Variants in COPG2 observed in about 807,000 individuals in gnomAD.
COPG2 encodes coatomer subunit gamma-2.
In COPG2, 37 loss-of-function variants were observed where a neutral mutation model predicts 46.3. The observed-to-expected ratio is 0.80, with a 90% confidence interval of 0.61 to 1.05. The LOEUF is 1.05. Among genes scored for constraint, COPG2 ranks in the 50% least tolerant of loss-of-function variants. The pLI is 0.00. For missense variants in COPG2, 427 were observed against 387.8 expected (o/e 1.10, Z -0.85); for synonymous variants, 159 against 129.7 (o/e 1.23, Z -1.53).
At chr7:130,609,579 T>C (rs1794801376) in intron 9 of COPG2, among the ~76,000 whole-genome samples, 1 of 152,252 alleles carries the variant, frequency 6.6e-6, no homozygotes, top group Non-Finnish European at 1.5e-5. Flanking sequence ...CATTATCTCT[T>C]CAAAGATTTA....
At chr7:130,566,751 G>C (rs1270532937) in intron 9 of COPG2, among the ~76,000 whole-genome samples, 1 of 152,200 alleles carries the variant, frequency 6.6e-6, no homozygotes, top group Non-Finnish European at 1.5e-5. Flanking sequence ...GTTCTGGCAG[G>C]ATGTGACAGT....
chr7:130,652,129 TTG>T (rs1795760118), intron 5 of COPG2, among the ~76,000 whole-genome samples: 1 of 152,234 alleles, frequency 6.6e-6, no homozygotes, highest in Non-Finnish European at 1.5e-5. Context: ...GACACGTAAG[TTG>T]TTTGTCCTTT....
intron 9 of COPG2, among the ~76,000 whole-genome samples, chr7:130,593,304 G>C (rs1019776127): frequency 3.9e-5 from 6 of 152,192 alleles, no homozygotes; most frequent in Non-Finnish European, 7.4e-5. Flanking sequence ...TAAAATATCT[G>C]GAAAATAAGA....
At chr7:130,513,310 T>A (rs1364233091) in intron 20 of COPG2, among the ~76,000 whole-genome samples, 7,611 of 36,850 alleles carry the variant, frequency 0.21, 780 homozygotes, top group Non-Finnish European at 0.29. Flanking sequence ...AAAAAAAAAA[T>A]ATATATATAT....
chr7:130,628,178 C>G (rs1483159182), intron 5 of COPG2, among the ~76,000 whole-genome samples: 1 of 152,056 alleles, frequency 6.6e-6, no homozygotes, highest in African/African-American at 2.4e-5. Context: ...TTCCTCAAAT[C>G]AGTCTGTGGT....
intron 18 of COPG2, among the ~76,000 whole-genome samples, chr7:130,548,997 G>A (rs1435624317): frequency 6.8e-6 from 1 of 146,166 alleles, no homozygotes; most frequent in Non-Finnish European, 1.5e-5. Context: ...TTTTAGTGAA[G>A]TCATCTTTCA....
At chr7:130,627,230 G>C (rs186267743) in intron 5 of COPG2, among the ~76,000 whole-genome samples, 17 of 152,262 alleles carry the variant, frequency 1.1e-4, no homozygotes, top group African/African-American at 3.9e-4. Context: ...CCTAATCAGG[G>C]AAAAGAAGTC....
intron 9 of COPG2, among the ~76,000 whole-genome samples, chr7:130,589,090 A>T (rs1554448479): frequency 6.6e-6 from 1 of 152,058 alleles, no homozygotes; most frequent in Non-Finnish European, 1.5e-5. Context: ...ATAACATCCC[A>T]TAATACAACT....
chr7:130,622,993 C>T (rs1222967869), intron 5 of COPG2, among the ~76,000 whole-genome samples: 1 of 152,162 alleles, frequency 6.6e-6, no homozygotes, highest in Non-Finnish European at 1.5e-5. Flanking sequence ...CTTTCCTTAC[C>T]TTCACTAGAA....
intron 5 of COPG2, among the ~76,000 whole-genome samples, chr7:130,639,402 T>C (rs368422730): frequency 3.2e-4 from 48 of 152,302 alleles, no homozygotes; most frequent in African/African-American, 9.9e-4. Flanking sequence ...GGGGTATCTA[T>C]TGATTATCTT....
intron 20 of COPG2, among the ~76,000 whole-genome samples, chr7:130,533,316 G>C (rs1166547508): frequency 1.3e-5 from 2 of 152,020 alleles, no homozygotes; most frequent in African/African-American, 2.4e-5. Context: ...GCACAAGGGT[G>C]GGGGTGGGAG....
chr7:130,527,715 G>A (rs1799787072), intron 20 of COPG2, among the ~76,000 whole-genome samples: 1 of 152,142 alleles, frequency 6.6e-6, no homozygotes, highest in Non-Finnish European at 1.5e-5. Context: ...GCAGATACGT[G>A]GAGTGCGAGG....
Position 130,507,348 on chromosome 7 carries a change from A to T in COPG2, c.2411T>A (p.Phe804Tyr). 1.3e-6 allele frequency: 1 copy of T among 780,682 alleles called. No individual in the cohort carries two copies. 48.4% of individuals were successfully genotyped at this position (780,682 alleles called of 1,614,324 possible). Residue 804 changes from phenylalanine to tyrosine, a missense_variant, in exon 23 of 24, where the codon TTT becomes TAT. Transcript: ENST00000425248. ...LEEAVNNIIT[F>Y]LGMQPCERSD... ...CCTCTCACATGGCTGCATGCCCAGA[A>T]ATGTGATGATATTGTTGACAGCCTC... is the stretch of plus-strand genomic sequence containing the variant.
intron 9 of COPG2, among the ~76,000 whole-genome samples, chr7:130,574,149 A>G (rs1793963769): frequency 6.6e-6 from 1 of 152,248 alleles, no homozygotes; most frequent in African/African-American, 2.4e-5. Context: ...GAACAAGTAA[A>G]CAAAATTTGG....
rs1554451971 is a variant in COPG2 at position 130,610,958 on chromosome 7, C to T, written c.732G>A (p.Glu244=). 2.5e-6 allele frequency: 4 copies of T among 1,613,794 alleles called. No individual in the cohort carries two copies. In the South Asian group the frequency reaches 3.3e-5, roughly 13 times the overall value. ...GTTTAGGTGAAGACACTTACCCATC[C>T]TCAGTTTCTTTTAGTAAGCGACTGG... ...RIASRLLKET[E]DGHESPLFDF... Residue 244 remains glutamate (E), a synonymous_variant, in exon 9 of 24, where the codon GAG becomes GAA. Coordinates refer to ENST00000425248, the MANE Select transcript of COPG2 (RefSeq NM_012133.6).
At chr7:130,569,300 G>A (rs1243312799) in intron 9 of COPG2, among the ~76,000 whole-genome samples, 4 of 151,994 alleles carry the variant, frequency 2.6e-5, no homozygotes, top group Non-Finnish European at 4.4e-5. Context: ...AAACAAAATT[G>A]ACAGACCATT....
chr7:130,610,652 C>A (rs1554451898), intron 9 of COPG2: 3 of 561,524 alleles, frequency 5.3e-6, no homozygotes, highest in South Asian at 4.5e-5. Flanking sequence ...TAGGATAATT[C>A]TTAATGTCCC....
intron 9 of COPG2, among the ~76,000 whole-genome samples, chr7:130,565,853 G>A (rs1793794152): frequency 1.3e-5 from 2 of 151,562 alleles, no homozygotes; most frequent in African/African-American, 2.4e-5. Flanking sequence ...GCAGATGAAA[G>A]AATAAGAAAA....
At chr7:130,668,544 C>G in intron 1 of COPG2, 88 bp downstream of exon 1, 1 of 1,322,374 alleles carries the variant, frequency 7.6e-7, no homozygotes, top group Non-Finnish European at 1.0e-6. Context: ...CCCACGCCCC[C>G]AGCCCCGCCG....
Sources: gnomAD v4.1 joint callset for allele counts (sites outside exome capture counted in the v4.1 genomes callset) on GRCh38, gnomAD v4.1.1 for gene constraint, MANE v1.5 for transcripts, NCBI Gene and HGNC (gene_info 2026-07-23, HGNC 2026-07-21) for gene names.